GOLGA4: variants seen among roughly 807,000 people sequenced by gnomAD.
GOLGA4 encodes golgin subfamily A member 4.
GOLGA4 carries 169 observed loss-of-function variants against 265.9 expected under a neutral mutation model. That is an observed-to-expected ratio of 0.64 (90% CI 0.56 to 0.72). The LOEUF (loss-of-function observed/expected upper bound fraction) is 0.72, where lower values mean the gene tolerates loss of function less well. Among genes scored for constraint, GOLGA4 ranks in the 30% least tolerant of loss-of-function variants. The pLI is 0.00. For synonymous variants in GOLGA4, 923 were observed against 855.8 expected, an observed-to-expected ratio of 1.08 and a Z score of -1.37; for missense variants, 2,482 against 2,483.4, an observed-to-expected ratio of 1.00 and a Z score of 0.01.
At chr3:37,283,304 A>G (rs963227587) in intron 3 of GOLGA4, among the ~76,000 whole-genome samples, 16 of 152,306 alleles carry the variant, frequency 1.1e-4, no homozygotes, top group African/African-American at 3.8e-4. Flanking sequence ...TAAACAAGGC[A>G]CTAAAGCCAT....
rs868743121 is a variant in GOLGA4 at position 37,324,126 on chromosome 3, T to C, written c.2240T>C (p.Ile747Thr). 2 of 1,614,030 alleles carry C rather than the reference T, an allele frequency of 1.2e-6. No homozygotes were observed. Among genetic ancestry groups the C allele is most frequent in the African/African-American group, 2.7e-5 (2 of 75,026 alleles). The stretch of plus-strand genomic sequence containing the variant: ...ATCATTAAAGAACACGAGGTATCTA[T>C]CCAGAGGACTGAGAAGGCATTAAAA... ...DSIIKEHEVS[I>T]QRTEKALKDQ... The change falls in exon 14 of 24, where the codon ATC (isoleucine) becomes ACC (threonine). Residue 747 changes from isoleucine (I) to threonine (T), a missense_variant. By Grantham distance (89) the Ile-to-Thr change is moderately conservative (BLOSUM62 -1). Transcript: ENST00000361924.
chr3:37,274,528 C>T (rs2096808630), intron 2 of GOLGA4, among the ~76,000 whole-genome samples: 1 of 151,928 alleles, frequency 6.6e-6, no homozygotes, highest in Non-Finnish European at 1.5e-5. Flanking sequence ...CCTGTCTCTA[C>T]TAAAAAAATA....
chr3:37,309,580 AAAAC>A (rs1179497901), intron 10 of GOLGA4, among the ~76,000 whole-genome samples: 3 of 152,232 alleles, frequency 2.0e-5, no homozygotes, highest in Middle Eastern at 3.2e-3. Context: ...ACAACAACAA[AAAAC>A]AAACAAAAAA....
chr3:37,350,471 A>G (rs1237074375), intron 21 of GOLGA4, among the ~76,000 whole-genome samples: 1 of 152,120 alleles, frequency 6.6e-6, no homozygotes, highest in African/African-American at 2.4e-5. Context: ...TGTGGTGTTG[A>G]TATTAGAGAA....
chr3:37,330,162 T>C lies in GOLGA4; in HGVS notation c.6192+1069T>C, dbSNP rs145925373. Among the ~76,000 whole-genome samples the C allele has an allele frequency of 2.4e-3, 362 of 151,494 alleles. 8 individuals carry two copies. The East Asian group carries it at 0.026, about 11-fold the overall frequency. Reference sequence around the variant, plus strand: ...TATTATTTCTTGAATGCCTAGAGAGTGTTGGAAGATACAGTAAAGCTAGTT... The same window carrying C: ...TATTATTTCTTGAATGCCTAGAGAGCGTTGGAAGATACAGTAAAGCTAGTT... On this transcript the variant is annotated intron_variant, in intron 16 of 23. Coordinates refer to ENST00000361924, the MANE Select transcript of GOLGA4 (RefSeq NM_002078.5).
chr3:37,339,760 T>G (rs2097026657), intron 19 of GOLGA4, among the ~76,000 whole-genome samples: 1 of 152,250 alleles, frequency 6.6e-6, no homozygotes, highest in African/African-American at 2.4e-5. Flanking sequence ...ATGCTCTTTA[T>G]ATGTACTAGA....
chr3:37,268,008 T>C lies in GOLGA4; in HGVS notation c.163-13950T>C, dbSNP rs80105215. On this transcript the variant is annotated intron_variant, in intron 2 of 23. Transcript: ENST00000361924. ...TCCTTGGCTCTGGCTACAAGTAATA[T>C]CTCATTGTTTTAAAAACTGATTTGG... Among the ~76,000 whole-genome samples the C allele has an allele frequency of 2.2e-3, 341 of 152,304 alleles. 4 individuals carry two copies. Among genetic ancestry groups the C allele is most frequent in the African/African-American group, 8.0e-3 (331 of 41,574 alleles).
intron 17 of GOLGA4, among the ~76,000 whole-genome samples, 177 bp downstream of exon 17, chr3:37,335,343 A>C (rs1241190946): frequency 6.6e-6 from 1 of 152,244 alleles, no homozygotes; most frequent in Non-Finnish European, 1.5e-5. Flanking sequence ...GATTAAATAA[A>C]ATGTTCAAGC....
At chr3:37,332,892 T>C (rs1329858719) in intron 16 of GOLGA4, among the ~76,000 whole-genome samples, 1 of 152,250 alleles carries the variant, frequency 6.6e-6, no homozygotes, top group Non-Finnish European at 1.5e-5. Context: ...TGCATCTGTG[T>C]TCCTTGTTAC....
chr3:37,264,588 C>T (rs903439287), intron 2 of GOLGA4, among the ~76,000 whole-genome samples: 1 of 152,088 alleles, frequency 6.6e-6, no homozygotes, highest in African/African-American at 2.4e-5. Context: ...CATAACTCTG[C>T]AGTACTGAGT....
In GOLGA4 at chr3:37,334,276, A is replaced by G. The variant is rs190559043; in HGVS notation, c.6193-777A>G. On this transcript the variant is annotated intron_variant, in intron 16 of 23. Coordinates refer to ENST00000361924, the MANE Select transcript of GOLGA4 (RefSeq NM_002078.5). ...TAGGAATATTGGATCAGTAAGTCAC[A>G]TATTGCTCTTTCTAATTCAGCCTCG... 2.5e-3 allele frequency among the ~76,000 whole-genome samples: 385 copies of G among 152,330 alleles called. 7 individuals are homozygous for G. The highest frequency in any genetic ancestry group is 0.019 in the Admixed American group (298 of 15,306).
At chr3:37,354,206 C>T (rs1033853684) in intron 21 of GOLGA4, among the ~76,000 whole-genome samples, 6 of 152,004 alleles carry the variant, frequency 3.9e-5, no homozygotes, top group African/African-American at 1.2e-4. Context: ...CACTTCCACT[C>T]TTCTCCCTTC....
rs926474370 is a variant in GOLGA4 at position 37,323,709 on chromosome 3, T to C, written c.1823T>C (p.Met608Thr). Residue 608 changes from methionine to threonine, a missense_variant, in exon 14 of 24, where the codon ATG (methionine) becomes ACG (threonine). Met to Thr is a moderately conservative substitution (Grantham distance 81, BLOSUM62 -1). Coordinates refer to ENST00000361924, the MANE Select transcript of GOLGA4 (RefSeq NM_002078.5). ...AAGCACAATAAGGAGATTACAGTCA[T>C]GGTTGAAAAACACAAGACAGAATTG... ...KNKHNKEITV[M>T]VEKHKTELES... 1.9e-6 allele frequency: 3 copies of C among 1,613,684 alleles called. No individual in the cohort carries two copies. The African/African-American group carries it at 4.0e-5, about 22-fold the overall frequency.
intron 9 of GOLGA4, 69 bp from the exon 10 acceptor site, chr3:37,302,114 TAA>T: frequency 1.5e-6 from 2 of 1,355,498 alleles, no homozygotes; most frequent in Non-Finnish European, 2.1e-6. Context: ...CCTTTTAAAT[TAA>T]GTTTTATCTG....
intron 7 of GOLGA4, 32 bp downstream of exon 7, chr3:37,296,251 A>G (rs1559395269): frequency 6.2e-7 from 1 of 1,610,148 alleles, no homozygotes; most frequent in Non-Finnish European, 8.5e-7. Flanking sequence ...GGTTAATTTA[A>G]AAACTAGAGG....
At position 37,344,954 on chromosome 3, in the gene GOLGA4, C is replaced by T. The variant is rs78602303; in HGVS notation, c.6473-2239C>T. Among the ~76,000 whole-genome samples, 528 of 152,286 alleles carry T rather than the reference C, an allele frequency of 3.5e-3. 3 individuals are homozygous for T. Among genetic ancestry groups the T allele is most frequent in the Non-Finnish European group, 5.1e-3 (348 of 68,016 alleles). ...TCTTGGCTGGGCACAGTGACTCATG[C>T]CAATAGTCTGAACACTTTGGGAGGC... On this transcript the variant is annotated intron_variant, in intron 20 of 23. Coordinates refer to ENST00000361924, the MANE Select transcript of GOLGA4 (RefSeq NM_002078.5).
intron 3 of GOLGA4, among the ~76,000 whole-genome samples, chr3:37,282,846 AT>A (rs1382290699): frequency 6.6e-6 from 1 of 152,172 alleles, no homozygotes. Flanking sequence ...ATGCTAGTCC[AT>A]TTCACTTTTC....
intron 3 of GOLGA4, 129 bp downstream of exon 3, chr3:37,282,401 G>T (rs1032017780): frequency 1.0e-5 from 7 of 677,526 alleles, no homozygotes; most frequent in Admixed American, 5.6e-5. Context: ...GTTACTAATG[G>T]TATGTAGTCT....
chr3:37,268,898 A>G (rs1159666167), intron 2 of GOLGA4, among the ~76,000 whole-genome samples: 1 of 152,214 alleles, frequency 6.6e-6, no homozygotes, highest in Non-Finnish European at 1.5e-5. Flanking sequence ...TCCCAATGGA[A>G]CAAGGGAAAC....
Sources: gnomAD v4.1 joint callset for allele counts (sites outside exome capture counted in the v4.1 genomes callset) on GRCh38, gnomAD v4.1.1 for gene constraint, MANE v1.5 for transcripts, NCBI Gene and HGNC (gene_info 2026-07-23, HGNC 2026-07-21) for gene names.